Variants in PPP1R12C observed in about 807,000 individuals in gnomAD.
The protein encoded by PPP1R12C is leukocyte receptor cluster (LRC) encoded novel gene 3.
In PPP1R12C, 48 loss-of-function variants were observed where a neutral mutation model predicts 95.6. The ratio of observed to expected loss-of-function variants is 0.50; its 90% confidence interval spans 0.40 to 0.64. The LOEUF is 0.64. Among genes scored for constraint, PPP1R12C ranks in the 30% least tolerant of loss-of-function variants. The pLI, the probability that PPP1R12C is intolerant of heterozygous loss-of-function variation, is 0.00. For missense variants in PPP1R12C, 1,057 were observed against 1,083.3 expected (o/e 0.98, Z 0.34); for synonymous variants, 480 against 460.8 (o/e 1.04, Z -0.53).
At chr19:55,101,656 C>T (rs981287617) in intron 4 of PPP1R12C, among the ~76,000 whole-genome samples, 2 of 152,160 alleles carry the variant, frequency 1.3e-5, no homozygotes, top group East Asian at 1.9e-4. Context: ...GGGTGGAAGC[C>T]GTGGGAGGAA....
chr19:55,103,995 C>CAAA (rs35207330), intron 3 of PPP1R12C, among the ~76,000 whole-genome samples: 17,710 of 118,348 alleles, frequency 0.15, 1,448 homozygotes, highest in East Asian at 0.27. Flanking sequence ...ACTAAAACTA[C>CAAA]AAAAAAAAAA....
intron 3 of PPP1R12C, among the ~76,000 whole-genome samples, chr19:55,107,180 G>A (rs750527992): frequency 7.9e-5 from 12 of 152,072 alleles, no homozygotes; most frequent in Admixed American, 1.3e-4. Context: ...TTGGGGGGCC[G>A]AGACGGGTGG....
At chr19:55,094,615 C>T in intron 12 of PPP1R12C, 46 bp downstream of exon 12, 1 of 1,541,968 alleles carries the variant, frequency 6.5e-7, no homozygotes, top group South Asian at 1.2e-5. Flanking sequence ...CATCGTCTCT[C>T]CCTGCTGGGG....
At chr19:55,106,277 T>C (rs1450539610) in intron 3 of PPP1R12C, among the ~76,000 whole-genome samples, 2 of 152,256 alleles carry the variant, frequency 1.3e-5, no homozygotes, top group Admixed American at 1.3e-4. Flanking sequence ...TCCGACCTCT[T>C]ACTACTGCAA....
intron 20 of PPP1R12C, 61 bp from the exon 21 acceptor site, chr19:55,091,761 G>A (rs554835891): frequency 6.2e-7 from 1 of 1,612,362 alleles, no homozygotes; most frequent in African/African-American, 1.3e-5. Flanking sequence ...GGGAAGGCCA[G>A]GGGCCAGCTG....
intron 12 of PPP1R12C, 22 bp from the exon 13 acceptor site, chr19:55,094,457 C>CA (rs1437635479): frequency 6.2e-7 from 1 of 1,612,884 alleles, no homozygotes; most frequent in Non-Finnish European, 8.5e-7. Context: ...GTCCCAACCT[C>CA]AGACAGGGAA....
chr19:55,099,194 G>C (rs975794096), intron 4 of PPP1R12C, 99 bp from the exon 5 acceptor site: 9 of 1,339,990 alleles, frequency 6.7e-6, no homozygotes, highest in African/African-American at 1.5e-5. Context: ...CAGGCCACGA[G>C]ACTGAAACGT....
At chr19:55,095,670 C>T in intron 9 of PPP1R12C, 67 bp from the exon 10 acceptor site, 9 of 1,507,310 alleles carry the variant, frequency 6.0e-6, no homozygotes, top group Non-Finnish European at 8.0e-6. Flanking sequence ...AGGGTTAGCC[C>T]CCAAAGGACT....
chr19:55,113,363 A>G, intron 1 of PPP1R12C: 1 of 1,393,110 alleles, frequency 7.2e-7, no homozygotes, highest in Non-Finnish European at 9.4e-7. Context: ...CCTGGGCGGG[A>G]CTCCCAGAGG....
At chr19:55,108,943 T>A (rs1230202139) in intron 3 of PPP1R12C, among the ~76,000 whole-genome samples, 1 of 152,130 alleles carries the variant, frequency 6.6e-6, no homozygotes, top group East Asian at 1.9e-4. Context: ...CGACCTCAGG[T>A]GATCCGCCCG....
chr19:55,095,525 T>C lies in PPP1R12C; in HGVS notation c.1306A>G (p.Arg436Gly), dbSNP rs1372724558. The C allele has an allele frequency of 6.3e-7, 1 of 1,588,200 alleles. No homozygotes were observed. The highest frequency in any genetic ancestry group is 8.6e-7 in the Non-Finnish European group (1 of 1,167,658). The part of the protein sequence containing the change: ...GSSGALGPPE[R>G]RTAEGAPGAG... Reference sequence around the variant, plus strand: ...CCAGGGGCTCCCTCCGCTGTCCGCCTTTCAGGGGGACCCAGGGCACCAGAA... The same window carrying C: ...CCAGGGGCTCCCTCCGCTGTCCGCCCTTCAGGGGGACCCAGGGCACCAGAA... Residue 436 changes from arginine (R) to glycine (G), a missense_variant, in exon 10 of 22, where the codon AGG becomes GGG. Physicochemically the swap from Arg to Gly is moderately radical, Grantham distance 125. This residue lies in a region of PPP1R12C where 356 missense variants were observed against 330.5 expected (regional missense o/e 1.08). Coordinates refer to ENST00000263433, the MANE Select transcript of PPP1R12C (RefSeq NM_017607.4).
chr19:55,097,419 C>CCA (rs1568809568), intron 6 of PPP1R12C, among the ~76,000 whole-genome samples: 3 of 134,846 alleles, frequency 2.2e-5, no homozygotes, highest in African/African-American at 8.5e-5. Context: ...CACCCCTTCC[C>CCA]CGCAGTTCAC....
At position 55,092,328 on chromosome 19, in the gene PPP1R12C, T is replaced by TGGGGGTCAGGTAGAG. The variant is rs1402523580; in HGVS notation, c.2056-17_2056-3dup. 3.1e-6 allele frequency: 5 copies of TGGGGGTCAGGTAGAG among 1,588,002 alleles called. No homozygotes were observed. In the South Asian group the frequency reaches 5.7e-5, roughly 18 times the overall value. ...CTCCCTGCGCAGCTCTGCATACAGC[T>TGGGGGTCAGGTAGAG]GGGGGTCAGGTAGAGGAGGGTCAGG... On this transcript the variant is annotated splice_polypyrimidine_tract_variant and splice_region_variant and intron_variant, in intron 18 of 21. Transcript: ENST00000263433.
intron 3 of PPP1R12C, among the ~76,000 whole-genome samples, chr19:55,105,970 C>A (rs569860567): frequency 6.6e-6 from 1 of 151,974 alleles, no homozygotes; most frequent in African/African-American, 2.4e-5. Context: ...ACTTCTCAGA[C>A]CTCCCTCTCC....
intron 17 of PPP1R12C, 25 bp downstream of exon 17, chr19:55,092,597 C>T: frequency 2.6e-6 from 4 of 1,541,132 alleles, no homozygotes; most frequent in Non-Finnish European, 3.5e-6. Flanking sequence ...GCACGCAGAC[C>T]CCACCTCTCC....
At chr19:55,092,586 C>A in intron 17 of PPP1R12C, 36 bp downstream of exon 17, 3 of 1,555,442 alleles carry the variant, frequency 1.9e-6, no homozygotes, top group Middle Eastern at 1.8e-4. Flanking sequence ...CGGCCCGGCC[C>A]GCACGCAGAC....
At chr19:55,107,935 C>CTTTTTTTT (rs34454787) in intron 3 of PPP1R12C, among the ~76,000 whole-genome samples, 1 of 134,740 alleles carries the variant, frequency 7.4e-6, no homozygotes, top group African/African-American at 2.8e-5. Context: ...AATTTACCAT[C>CTTTTTTTT]TTTTTTTTTT....
Position 55,091,321 on chromosome 19 carries a change from A to C in PPP1R12C, c.*151T>G. On this transcript the variant is annotated 3_prime_UTR_variant, in exon 22 of 22. Transcript: ENST00000263433. ...CGGGTGGCCCCCTCGGCTCCTGGGG[A>C]CTCTGCTCCCCTCCCAGTCCGGAGG... is the stretch of plus-strand genomic sequence containing the variant. The C allele has an allele frequency of 1.2e-6, 1 of 829,826 alleles. No individual in the cohort carries two copies. The highest frequency in any genetic ancestry group is 1.9e-6 in the Non-Finnish European group (1 of 536,084). The allele number at this position is 829,826 out of a possible 1,614,324, so 51.4% of individuals were successfully genotyped here.
In PPP1R12C at chr19:55,091,136, C is replaced by T. The variant is rs1463988264; in HGVS notation, c.*336G>A. 2.2e-5 allele frequency: 8 copies of T among 364,500 alleles called. No individual in the cohort carries two copies. The highest frequency in any genetic ancestry group is 3.6e-5 in the Non-Finnish European group (7 of 195,508). The allele number at this position is 364,500 out of a possible 1,614,324, so 22.6% of individuals were successfully genotyped here. A position where few individuals can be genotyped will look rare whatever the true frequency, so the allele number is the denominator to read the frequency against. On this transcript the variant is annotated 3_prime_UTR_variant, in exon 22 of 22. Transcript: ENST00000263433. ...CAGGAGGGGAGGGGTGACGGGGTGGCATCACACGTGAGATGGGGACCTCCA... is the reference window on the plus strand; with the variant it reads ...CAGGAGGGGAGGGGTGACGGGGTGGTATCACACGTGAGATGGGGACCTCCA...
Sources: allele counts gnomAD v4.1 joint callset (sites outside exome capture counted in the v4.1 genomes callset), GRCh38; gene constraint gnomAD v4.1.1; regional missense constraint gnomAD v4.1.1; transcripts MANE v1.5; gene names NCBI Gene and HGNC (gene_info 2026-07-23, HGNC 2026-07-21).